Variants in MEGF11 observed in about 807,000 individuals in gnomAD.
The protein encoded by MEGF11 is multiple epidermal growth factor-like domains protein 11.
Under a neutral mutation model 146.6 loss-of-function variants are expected in MEGF11, and 126 were observed. The observed-to-expected ratio is 0.86, with a 90% CI of 0.74 to 1.00. The LOEUF (loss-of-function observed/expected upper bound fraction) is 1.00, where lower values mean the gene tolerates loss of function less well. Ranked by LOEUF, MEGF11 falls within the 50% of genes least tolerant of loss-of-function variation. MEGF11 has a pLI of 0.00. For synonymous variants in MEGF11, 532 were observed against 583.4 expected (o/e 0.91, Z 1.27); for missense variants, 1,509 against 1,521.2 (o/e 0.99, Z 0.13).
chr15:66,074,553 C>A (rs2085499329), intron 5 of MEGF11, among the ~76,000 whole-genome samples: 2 of 152,170 alleles, frequency 1.3e-5, no homozygotes, highest in Admixed American at 6.5e-5. Context: ...TATAATGGGC[C>A]ATGATCACCA....
intron 5 of MEGF11, among the ~76,000 whole-genome samples, chr15:66,081,982 G>A (rs2085876826): frequency 6.6e-6 from 1 of 152,180 alleles, no homozygotes; most frequent in African/African-American, 2.4e-5. Context: ...CCGTGAGAAG[G>A]CAGGCCCTCG....
At chr15:66,027,563 C>T (rs918516514) in intron 5 of MEGF11, among the ~76,000 whole-genome samples, 6 of 152,250 alleles carry the variant, frequency 3.9e-5, no homozygotes. Flanking sequence ...AGGTCCACTT[C>T]CTGTTCCATC....
At chr15:66,057,280 T>C (rs1355042090) in intron 5 of MEGF11, among the ~76,000 whole-genome samples, 2 of 152,170 alleles carry the variant, frequency 1.3e-5, no homozygotes, top group East Asian at 3.9e-4. Context: ...CAGCTTGGGC[T>C]GGGAAGATTC....
At position 66,044,354 on chromosome 15, in the gene MEGF11, T is replaced by A. The variant is rs2084110203; in HGVS notation, c.394+50048A>T. On this transcript the variant is annotated intron_variant, in intron 5 of 25. Transcript: ENST00000395614. ...ATCCAACCCTCCACTCATTAATCCATCCATCACCTGCTCATTACCACACTG... is the reference window on the plus strand; with the variant it reads ...ATCCAACCCTCCACTCATTAATCCAACCATCACCTGCTCATTACCACACTG... Among the ~76,000 whole-genome samples the A allele has an allele frequency of 1.3e-5, 2 of 152,184 alleles. 1 individual carries two copies. Among genetic ancestry groups the A allele is most frequent in the South Asian group, 4.1e-4 (2 of 4,830 alleles).
intron 5 of MEGF11, among the ~76,000 whole-genome samples, chr15:66,005,146 C>A (rs938014613): frequency 6.6e-6 from 1 of 152,202 alleles, no homozygotes; most frequent in Non-Finnish European, 1.5e-5. Flanking sequence ...TCCAGGATAT[C>A]CTGGTGATCG....
rs75021992 is a variant in MEGF11 at position 66,109,471 on chromosome 15, C to T, written c.301+9615G>A. Among the ~76,000 whole-genome samples, 1,151 of 152,304 alleles carry T rather than the reference C, an allele frequency of 7.6e-3. 22 individuals carry two copies. Among genetic ancestry groups the T allele is most frequent in the African/African-American group, 0.026 (1,090 of 41,560 alleles). ...TAAGTTTTACTGAGCTCTTCACATG[C>T]CAGGCCCTCTACTAAATGCTTTATT... On this transcript the variant is annotated intron_variant, in intron 4 of 25. Coordinates refer to ENST00000395614, the MANE Select transcript of MEGF11 (RefSeq NM_001385028.1).
chr15:66,094,942 C>T (rs983297927), intron 4 of MEGF11, among the ~76,000 whole-genome samples: 1 of 152,180 alleles, frequency 6.6e-6, no homozygotes, highest in Non-Finnish European at 1.5e-5. Context: ...AAGAAGGTCC[C>T]TTCTCACTTT....
chr15:66,153,088 C>G (rs536613720), intron 1 of MEGF11, among the ~76,000 whole-genome samples: 7 of 152,256 alleles, frequency 4.6e-5, no homozygotes, highest in Non-Finnish European at 8.8e-5. Flanking sequence ...TCCTTCCACA[C>G]TCAGTCCTTT....
intron 1 of MEGF11, among the ~76,000 whole-genome samples, chr15:66,129,613 C>A (rs951032195): frequency 3.3e-5 from 5 of 152,102 alleles, no homozygotes; most frequent in African/African-American, 1.2e-4. Flanking sequence ...ATCCCGCTGG[C>A]CCTGGGTTCG....
intron 1 of MEGF11, among the ~76,000 whole-genome samples, chr15:66,179,088 C>CT (rs373266095): frequency 6.6e-6 from 1 of 151,802 alleles, no homozygotes; most frequent in Non-Finnish European, 1.5e-5. Context: ...TCTGTCAGCC[C>CT]GGGAAGCATC....
At chr15:66,208,029 G>A (rs553472613) in intron 1 of MEGF11, among the ~76,000 whole-genome samples, 1 of 151,496 alleles carries the variant, frequency 6.6e-6, no homozygotes, top group African/African-American at 2.4e-5. Flanking sequence ...AGGTTGCAGT[G>A]AGCTGAGATC....
chr15:66,027,722 C>T lies in MEGF11; in HGVS notation c.395-45234G>A, dbSNP rs368037049. Among the ~76,000 whole-genome samples the T allele has an allele frequency of 2.0e-5, 3 of 152,284 alleles. No individual in the cohort carries two copies. In the East Asian group the frequency reaches 5.8e-4, roughly 29 times the overall value. On this transcript the variant is annotated intron_variant, in intron 5 of 25. Coordinates refer to ENST00000395614, the MANE Select transcript of MEGF11 (RefSeq NM_001385028.1). ...GAATCTACCTTTTCTTTTTCAGCTC[C>T]CAGTGGTTCTGATGCATGATCAGGG...
chr15:65,908,361 A>G (rs2078693434), intron 23 of MEGF11, among the ~76,000 whole-genome samples: 1 of 152,150 alleles, frequency 6.6e-6, no homozygotes. Context: ...GGGAGGCCAC[A>G]TTCTCTGTTC....
chr15:66,022,147 G>C (rs1280324152), intron 5 of MEGF11, among the ~76,000 whole-genome samples: 1 of 152,244 alleles, frequency 6.6e-6, no homozygotes, highest in East Asian at 1.9e-4. Flanking sequence ...CTGGGTCATG[G>C]ATGGCTGAGC....
intron 10 of MEGF11, among the ~76,000 whole-genome samples, chr15:65,936,327 G>A (rs879482977): frequency 6.6e-5 from 10 of 152,178 alleles, no homozygotes; most frequent in Non-Finnish European, 1.2e-4. Context: ...TGAGCTCCGT[G>A]GGGATGGATC....
chr15:66,138,555 T>A (rs1007591687), intron 1 of MEGF11, among the ~76,000 whole-genome samples: 1 of 152,108 alleles, frequency 6.6e-6, no homozygotes, highest in Non-Finnish European at 1.5e-5. Flanking sequence ...CCCGGTCGGG[T>A]CACGGCCGGC....
intron 1 of MEGF11, among the ~76,000 whole-genome samples, chr15:66,136,758 T>C (rs1291407770): frequency 6.6e-6 from 1 of 152,242 alleles, no homozygotes; most frequent in African/African-American, 2.4e-5. Flanking sequence ...CCAGGCACAG[T>C]GGCTCAGGCC....
In MEGF11 at chr15:65,895,983, A is replaced by C. The variant is rs2078352315; in HGVS notation, c.*1951T>G. ...GCTTGTTTGCAGTTTGCCAGGCAGC[A>C]GTTATTGTACATGCAGGATAAGGGA... On this transcript the variant is annotated 3_prime_UTR_variant, in exon 26 of 26. Coordinates refer to ENST00000395614, the MANE Select transcript of MEGF11 (RefSeq NM_001385028.1). 1 of 152,240 alleles carries C rather than the reference A, an allele frequency of 6.6e-6. No homozygotes were observed. The highest frequency in any genetic ancestry group is 2.4e-5 in the African/African-American group (1 of 41,466). 9.4% of individuals were successfully genotyped at this position (152,240 alleles called of 1,614,324 possible).
Position 65,957,553 on chromosome 15 carries a change from G to T in MEGF11, c.1281C>A (p.Gly427=), listed in dbSNP as rs776694085. 8.7e-6 allele frequency: 14 copies of T among 1,613,102 alleles called. No homozygotes were observed. In the East Asian group the frequency reaches 3.1e-4, roughly 36 times the overall value. Residue 427 remains glycine, a synonymous_variant, in exon 10 of 26, where the codon GGC becomes GGA. Coordinates refer to ENST00000395614, the MANE Select transcript of MEGF11 (RefSeq NM_001385028.1). ...SITGGCTCAP[G]FMGEVCAVSC... ...GAGGCCCCTCCCATCTTACCATGAA[G>T]CCCGGAGCACAAGTGCAGCCCCCAG...
Sources: gnomAD v4.1 joint callset for allele counts (sites outside exome capture counted in the v4.1 genomes callset) on GRCh38, gnomAD v4.1.1 for gene constraint, MANE v1.5 for transcripts, NCBI Gene and HGNC (gene_info 2026-07-23, HGNC 2026-07-21) for gene names.